The following CNNM2 variants were observed in gnomAD, a reference collection of about 807,000 sequenced individuals.
CNNM2 encodes the protein metal transporter CNNM2.
CNNM2 carries 12 observed loss-of-function variants against 66.9 expected under a neutral mutation model. The ratio of observed to expected loss-of-function variants is 0.18; its 90% CI spans 0.11 to 0.29. The LOEUF (loss-of-function observed/expected upper bound fraction) is 0.29, where lower values mean the gene tolerates loss of function less well. CNNM2 is among the 10% of genes least tolerant of loss of function. The pLI is 1.00. For missense variants in CNNM2, 705 were observed against 1,167.7 expected (o/e 0.60, Z 5.77); for synonymous variants, 557 against 501.8 (o/e 1.11, Z -1.47).
At chr10:102,980,825 C>T (rs1213474861) in intron 1 of CNNM2, among the ~76,000 whole-genome samples, 1 of 152,110 alleles carries the variant, frequency 6.6e-6, no homozygotes. Context: ...CAACATATTG[C>T]GATCACATGC....
At chr10:103,001,554 C>A (rs1360682110) in intron 1 of CNNM2, among the ~76,000 whole-genome samples, 1 of 152,152 alleles carries the variant, frequency 6.6e-6, no homozygotes, top group African/African-American at 2.4e-5. Context: ...AAGAGCTTAT[C>A]TATTTGTAGA....
At chr10:103,024,436 A>G (rs2064657237) in intron 1 of CNNM2, among the ~76,000 whole-genome samples, 1 of 152,178 alleles carries the variant, frequency 6.6e-6, no homozygotes, top group South Asian at 2.1e-4. Context: ...TGATGTAACC[A>G]AATACAGTAC....
chr10:103,026,591 A>C (rs1045589237), intron 1 of CNNM2, among the ~76,000 whole-genome samples: 5 of 133,128 alleles, frequency 3.8e-5, no homozygotes, highest in African/African-American at 1.4e-4. Flanking sequence ...ACAGAGTGAG[A>C]CCTTGTCTTC....
chr10:103,000,246 T>TAAAC (rs1564839518), intron 1 of CNNM2, among the ~76,000 whole-genome samples: 1 of 63,598 alleles, frequency 1.6e-5, no homozygotes, highest in Non-Finnish European at 3.5e-5. Flanking sequence ...CAAAAACAAA[T>TAAAC]AAATAAATAA....
intron 1 of CNNM2, among the ~76,000 whole-genome samples, chr10:102,931,567 G>A (rs1223309011): frequency 1.3e-5 from 2 of 152,084 alleles, no homozygotes; most frequent in African/African-American, 4.8e-5. Flanking sequence ...ATGTTGGTCA[G>A]GCTGGTCTTG....
chr10:103,075,461 A>G (rs926701304), intron 6 of CNNM2, among the ~76,000 whole-genome samples: 1 of 152,160 alleles, frequency 6.6e-6, no homozygotes, highest in African/African-American at 2.4e-5. Flanking sequence ...TGAAGACTCT[A>G]GCACCCAAGA....
intron 2 of CNNM2, among the ~76,000 whole-genome samples, chr10:103,051,215 A>G (rs1037165789): frequency 1.7e-4 from 26 of 151,274 alleles, no homozygotes. Context: ...GGTAGATCAC[A>G]AAGTCAAGAG....
intron 1 of CNNM2, among the ~76,000 whole-genome samples, chr10:102,989,322 G>A (rs2063853499): frequency 1.3e-5 from 2 of 152,124 alleles, no homozygotes; most frequent in Admixed American, 1.3e-4. Context: ...ATTGTTCAGT[G>A]AGTAAATTCT....
chr10:103,077,348 G>A lies in CNNM2; in HGVS notation c.*168G>A, dbSNP rs2065709078. The stretch of plus-strand genomic sequence containing the variant: ...CAGGAGCCGCGGAGGAGGACAGTGA[G>A]GGAGGAATGGAAACGAGAGATGTGA... On this transcript the variant is annotated 3_prime_UTR_variant, in exon 8 of 8. Coordinates refer to ENST00000369878, the MANE Select transcript of CNNM2 (RefSeq NM_017649.5). 3.3e-6 allele frequency: 2 copies of A among 603,432 alleles called. No individual in the cohort carries two copies. Among genetic ancestry groups the A allele is most frequent in the Non-Finnish European group, 2.9e-6 (1 of 350,432 alleles). The allele number at this position is 603,432 out of a possible 1,614,324, so 37.4% of individuals were successfully genotyped here.
chr10:102,959,109 A>AT (rs1348184699), intron 1 of CNNM2, among the ~76,000 whole-genome samples: 2 of 151,624 alleles, frequency 1.3e-5, no homozygotes, highest in East Asian at 1.9e-4. Flanking sequence ...TAATTTTTGT[A>AT]TTTTTTGTAG....
chr10:102,994,015 C>T lies in CNNM2; in HGVS notation c.1622-55692C>T, dbSNP rs914145016. ...ACAGTGGTATCATCTTGGTTCACTGCAACCTCTGCCTCCCGGGTTCAAGTG... is the reference window on the plus strand; with the variant it reads ...ACAGTGGTATCATCTTGGTTCACTGTAACCTCTGCCTCCCGGGTTCAAGTG... On this transcript the variant is annotated intron_variant, in intron 1 of 7. Transcript: ENST00000369878. Among the ~76,000 whole-genome samples the T allele has an allele frequency of 5.3e-5, 8 of 152,256 alleles. No individual in the cohort carries two copies. In the East Asian group the frequency reaches 1.5e-3, roughly 29 times the overall value.
rs924633878 is a variant in CNNM2 at position 103,025,167 on chromosome 10, C to T, written c.1622-24540C>T. On this transcript the variant is annotated intron_variant, in intron 1 of 7. Coordinates refer to ENST00000369878, the MANE Select transcript of CNNM2 (RefSeq NM_017649.5). The stretch of plus-strand genomic sequence containing the variant: ...AGTGCAGTGGCGTGATCTCCGCTCG[C>T]GGCAACCTCCAACTCCCTGGTTCAA... 3.9e-5 allele frequency among the ~76,000 whole-genome samples: 6 copies of T among 152,336 alleles called. No individual in the cohort carries two copies. The South Asian group carries it at 6.2e-4, about 16-fold the overall frequency.
At chr10:102,980,414 C>T (rs988376816) in intron 1 of CNNM2, among the ~76,000 whole-genome samples, 5 of 151,224 alleles carry the variant, frequency 3.3e-5, no homozygotes, top group African/African-American at 1.2e-4. Flanking sequence ...GGACTACAGG[C>T]GCATACCACT....
At chr10:103,009,115 A>G (rs1218036116) in intron 1 of CNNM2, among the ~76,000 whole-genome samples, 3 of 152,168 alleles carry the variant, frequency 2.0e-5, no homozygotes, top group Admixed American at 6.5e-5. Context: ...TGTCTCTACT[A>G]AAAATACAAA....
At chr10:102,995,172 CCT>C (rs1179625792) in intron 1 of CNNM2, among the ~76,000 whole-genome samples, 3 of 5,034 alleles carry the variant, frequency 6.0e-4, no homozygotes, top group Admixed American at 1.4e-3. Flanking sequence ...TCCTCCTCCC[CCT>C]CTTCCTCCTC....
intron 1 of CNNM2, among the ~76,000 whole-genome samples, chr10:103,008,408 G>A (rs1564842898): frequency 6.6e-6 from 1 of 152,200 alleles, no homozygotes; most frequent in African/African-American, 2.4e-5. Flanking sequence ...TACTTGAGAA[G>A]CCACCCTTGC....
intron 1 of CNNM2, among the ~76,000 whole-genome samples, chr10:103,019,465 G>A (rs2064527642): frequency 6.6e-6 from 1 of 152,142 alleles, no homozygotes; most frequent in Non-Finnish European, 1.5e-5. Flanking sequence ...GGCTTTTGGT[G>A]TAAAGAGAAG....
At chr10:102,931,146 T>C (rs551165419) in intron 1 of CNNM2, among the ~76,000 whole-genome samples, 2 of 152,288 alleles carry the variant, frequency 1.3e-5, no homozygotes, top group Non-Finnish European at 2.9e-5. Context: ...ACTACCTTCC[T>C]TCCATTGGTC....
chr10:102,961,242 C>T (rs1192229536), intron 1 of CNNM2, among the ~76,000 whole-genome samples: 1 of 152,162 alleles, frequency 6.6e-6, no homozygotes, highest in Non-Finnish European at 1.5e-5. Context: ...TCTGCGTTGT[C>T]ATTCTCCATC....
Sources: allele counts gnomAD v4.1 joint callset (sites outside exome capture counted in the v4.1 genomes callset), GRCh38; gene constraint gnomAD v4.1.1; transcripts MANE v1.5; gene names NCBI Gene and HGNC (gene_info 2026-07-23, HGNC 2026-07-21).